Variants in PFKFB3 observed in about 807,000 individuals in gnomAD.
PFKFB3 encodes 6-phosphofructo-2-kinase/fructose-2,6-biphosphatase 3, also known as 6-phosphofructo-2-kinase/fructose-2,6-bisphosphatase 3.
PFKFB3 carries 33 observed loss-of-function variants against 68.0 expected under a neutral mutation model. The ratio of observed to expected loss-of-function variants is 0.49; its 90% CI spans 0.37 to 0.65. PFKFB3 has a LOEUF of 0.65. PFKFB3 is among the 30% of genes least tolerant of loss of function. The probability of loss-of-function intolerance (pLI) is 0.00; values close to 1 mark genes in which losing one functional copy is unlikely to be tolerated. For missense variants in PFKFB3, 586 were observed against 712.2 expected (o/e 0.82, Z 2.02); for synonymous variants, 315 against 288.2 (o/e 1.09, Z -0.94).
At position 6,221,013 on chromosome 10, in the gene PFKFB3, G is replaced by A. The variant is rs866906275; in HGVS notation, c.831+148G>A. On this transcript the variant is annotated intron_variant, in intron 8 of 14. Coordinates refer to ENST00000379775, the MANE Select transcript of PFKFB3 (RefSeq NM_004566.4). Reference sequence around the variant, plus strand: ...GTGTTATCTGTGTGTGCGCCTGCACGTCTCTATGCATATCTGTGTGCATCT... The same window carrying A: ...GTGTTATCTGTGTGTGCGCCTGCACATCTCTATGCATATCTGTGTGCATCT... 4.3e-5 allele frequency: 33 copies of A among 765,190 alleles called. No individual in the cohort carries two copies. The Middle Eastern group carries it at 7.5e-4, about 17-fold the overall frequency. 47.4% of individuals were successfully genotyped at this position (765,190 alleles called of 1,614,324 possible).
intron 1 of PFKFB3, among the ~76,000 whole-genome samples, chr10:6,162,708 G>A (rs1842004399): frequency 6.6e-6 from 1 of 152,336 alleles, no homozygotes; most frequent in African/African-American, 2.4e-5. Context: ...CAGTTTGGGT[G>A]AGAACCCTTT....
chr10:6,164,569 T>C (rs1038148498), intron 1 of PFKFB3, among the ~76,000 whole-genome samples: 2 of 152,050 alleles, frequency 1.3e-5, no homozygotes, highest in African/African-American at 4.8e-5. Context: ...ACACAAAGTA[T>C]AAAGAACAGT....
intron 1 of PFKFB3, among the ~76,000 whole-genome samples, chr10:6,209,480 T>TG (rs1554849088): frequency 1.3e-4 from 19 of 151,952 alleles, no homozygotes; most frequent in African/African-American, 3.1e-4. Flanking sequence ...ATAATTTTTT[T>TG]TTTGTTTTTT....
At chr10:6,322,543 C>A in the PFKFB3 span, among the ~76,000 whole-genome samples, 1 of 152,320 alleles carries the variant, frequency 6.6e-6, no homozygotes, top group East Asian at 1.9e-4. Context: ...AATGGCTTCC[C>A]ACCATGCCTC....
At chr10:6,247,859 A>G (rs905496367) in intron 14 of PFKFB3, among the ~76,000 whole-genome samples, 1 of 152,270 alleles carries the variant, frequency 6.6e-6, no homozygotes, top group Non-Finnish European at 1.5e-5. Context: ...AGAGCATCCC[A>G]TGAAATCTTC....
At chr10:6,272,832 A>G in the PFKFB3 span, among the ~76,000 whole-genome samples, 1 of 152,142 alleles carries the variant, frequency 6.6e-6, no homozygotes, top group Non-Finnish European at 1.5e-5. Flanking sequence ...AGGTCTCTTG[A>G]GAACAGGGTC....
At chr10:6,200,490 A>G (rs969535429), upstream of PFKFB3, among the ~76,000 whole-genome samples, 1 of 152,040 alleles carries the variant, frequency 6.6e-6, no homozygotes, top group East Asian at 1.9e-4. Context: ...TGGGTTGTTT[A>G]TAAGTGATTT....
the PFKFB3 span, among the ~76,000 whole-genome samples, chr10:6,290,136 C>G: frequency 6.6e-6 from 1 of 152,126 alleles, no homozygotes; most frequent in African/African-American, 2.4e-5. Flanking sequence ...GATATACAAT[C>G]ATGTCATCTG....
At chr10:6,239,964 G>A (rs777810545), downstream of PFKFB3, among the ~76,000 whole-genome samples, 1 of 152,168 alleles carries the variant, frequency 6.6e-6, no homozygotes, top group Non-Finnish European at 1.5e-5. Context: ...ATGAGCCACC[G>A]TGCCTGACAA....
At chr10:6,267,220 C>T in the PFKFB3 span, among the ~76,000 whole-genome samples, 1 of 152,206 alleles carries the variant, frequency 6.6e-6, no homozygotes, top group Non-Finnish European at 1.5e-5. Flanking sequence ...GCATATGTAT[C>T]TTGTTCTTAT....
intron 1 of PFKFB3, among the ~76,000 whole-genome samples, chr10:6,177,262 G>A (rs193268964): frequency 7.2e-5 from 11 of 152,286 alleles, no homozygotes; most frequent in Non-Finnish European, 1.0e-4. Flanking sequence ...TGAAATGGGC[G>A]TTCATGTCTT....
intron 14 of PFKFB3, among the ~76,000 whole-genome samples, chr10:6,242,551 A>G (rs1010707449): frequency 2.6e-5 from 4 of 151,330 alleles, no homozygotes; most frequent in African/African-American, 9.7e-5. Flanking sequence ...GTGGGATGAA[A>G]CTGTTCCCAC....
chr10:6,184,754 G>A (rs1842823911), intron 1 of PFKFB3, among the ~76,000 whole-genome samples: 1 of 148,432 alleles, frequency 6.7e-6, no homozygotes, highest in Non-Finnish European at 1.5e-5. Context: ...TTACAGGTGT[G>A]AGTCACCGCG....
chr10:6,181,192 A>C (rs1842703364), intron 1 of PFKFB3, among the ~76,000 whole-genome samples: 1 of 152,074 alleles, frequency 6.6e-6, no homozygotes, highest in Non-Finnish European at 1.5e-5. Flanking sequence ...TATTTCCAAA[A>C]AAATGTTTTG....
intron 1 of PFKFB3, among the ~76,000 whole-genome samples, chr10:6,153,732 G>A (rs530522796): frequency 4.4e-4 from 67 of 152,234 alleles, no homozygotes; most frequent in Non-Finnish European, 8.2e-4. Context: ...GCAGGTGCCT[G>A]TAATCCCAGC....
chr10:6,208,371 C>CTGTTTTTTTTTTTTTTT, intron 1 of PFKFB3, among the ~76,000 whole-genome samples: 1 of 60,638 alleles, frequency 1.6e-5, no homozygotes, highest in South Asian at 7.9e-4. Flanking sequence ...GGTACCTGGC[C>CTGTTTTTTTTTTTTTTT]TTTTTTTTTT....
chr10:6,243,872 G>A (rs181622458), intron 14 of PFKFB3, among the ~76,000 whole-genome samples: 1 of 152,108 alleles, frequency 6.6e-6, no homozygotes, highest in South Asian at 2.1e-4. Flanking sequence ...TACTTAGTGT[G>A]CGCCATCATG....
chr10:6,162,331 C>G lies in PFKFB3; in HGVS notation c.16+17318C>G, dbSNP rs189647900. Reference sequence around the variant, plus strand: ...TACCTTCTGGCTGTTGTCAATAATGCTGCTGCGAACATGGGTCTACAAACA... The same window carrying G: ...TACCTTCTGGCTGTTGTCAATAATGGTGCTGCGAACATGGGTCTACAAACA... On this transcript the variant is annotated intron_variant, in intron 1 of 14. Transcript: ENST00000379789. 2.1e-4 allele frequency among the ~76,000 whole-genome samples: 32 copies of G among 152,330 alleles called. No individual in the cohort carries two copies. In the East Asian group the frequency reaches 5.8e-3, roughly 28 times the overall value.
Position 6,232,914 on chromosome 10 carries a change from G to A in PFKFB3, c.1535G>A (p.Ser512Asn). 6.2e-7 allele frequency: 1 copy of A among 1,613,462 alleles called. No individual in the cohort carries two copies. The highest frequency in any genetic ancestry group is 8.5e-7 in the Non-Finnish European group (1 of 1,179,616). ...AAACAGAACATGAAAGGCTCCCGGA[G>A]CAGCGCTGACTCCTCCAGGAAACAC... The part of the protein sequence containing the change: ...LPGQNMKGSR[S>N]SADSSRKH The change falls in exon 15 of 15, where the codon AGC becomes AAC. Residue 512 changes from serine to asparagine, a missense_variant. Physicochemically the swap from Ser to Asn is conservative, Grantham distance 46. Coordinates refer to ENST00000379775, the MANE Select transcript of PFKFB3 (RefSeq NM_004566.4).
Sources: allele counts gnomAD v4.1 joint callset (sites outside exome capture counted in the v4.1 genomes callset), GRCh38; gene constraint gnomAD v4.1.1; transcripts MANE v1.5; gene names NCBI Gene and HGNC (gene_info 2026-07-23, HGNC 2026-07-21).